Variants in ZNF215 observed in about 807,000 individuals in gnomAD.
ZNF215 encodes the protein zinc finger protein 215.
A neutral mutation model predicts 27.2 loss-of-function variants in ZNF215; 24 were observed. The observed-to-expected ratio is 0.88, with a 90% CI of 0.64 to 1.24. The LOEUF is 1.24. Ranked by LOEUF, ZNF215 falls within the 50% of genes most tolerant of loss-of-function variation. The probability of loss-of-function intolerance (pLI) is 0.00; values close to 1 mark genes in which losing one functional copy is unlikely to be tolerated. For missense variants in ZNF215, 675 were observed against 605.7 expected (o/e 1.11, Z -1.20); for synonymous variants, 210 against 204.0 (o/e 1.03, Z -0.25).
At chr11:6,954,404 C>G (rs1380830832) in intron 6 of ZNF215, among the ~76,000 whole-genome samples, 1 of 152,250 alleles carries the variant, frequency 6.6e-6, no homozygotes, top group Non-Finnish European at 1.5e-5. Flanking sequence ...TTCAAGCTTC[C>G]TGGCTGCTTT....
chr11:6,935,519 T>A (rs997481000), intron 3 of ZNF215, among the ~76,000 whole-genome samples: 1 of 152,138 alleles, frequency 6.6e-6, no homozygotes, highest in Non-Finnish European at 1.5e-5. Flanking sequence ...CAAAATTAGT[T>A]CAAAAGTTAC....
chr11:6,955,615 C>A, intron 6 of ZNF215, 75 bp from the exon 7 acceptor site: 1 of 1,496,490 alleles, frequency 6.7e-7, no homozygotes, highest in Non-Finnish European at 8.9e-7. Flanking sequence ...ATGCATATAC[C>A]TTATACAGTT....
downstream of ZNF215, among the ~76,000 whole-genome samples, chr11:6,958,695 A>C (rs1023062977): frequency 3.9e-5 from 6 of 152,206 alleles, no homozygotes; most frequent in African/African-American, 9.7e-5. Flanking sequence ...CTGCAAGCTG[A>C]GGAGCAAGGA....
At chr11:6,960,962 A>G, downstream of ZNF215, among the ~76,000 whole-genome samples, 1 of 152,268 alleles carries the variant, frequency 6.6e-6, no homozygotes, top group South Asian at 2.1e-4. Context: ...CTGTAGGTCA[A>G]ATTTGACTCT....
chr11:6,955,194 T>A (rs922569185), intron 6 of ZNF215, among the ~76,000 whole-genome samples: 1 of 152,202 alleles, frequency 6.6e-6, no homozygotes, highest in Non-Finnish European at 1.5e-5. Flanking sequence ...TGTGGCTGTA[T>A]GGAAAATGGG....
chr11:6,943,267 G>T lies in ZNF215; in HGVS notation c.616+52G>T, dbSNP rs201712614. The T allele has an allele frequency of 4.5e-6, 7 of 1,566,798 alleles. No homozygotes were observed. The East Asian group carries it at 1.6e-4, about 35-fold the overall frequency. ...GTCCATTTAGTAATCTCTTCCTACC[G>T]TTAAAAGCTATAGGACTGCTGAAGT... On this transcript the variant is annotated intron_variant, in intron 5 of 6. Coordinates refer to ENST00000278319, the MANE Select transcript of ZNF215 (RefSeq NM_013250.4).
At chr11:6,945,630 A>G (rs1019634049) in intron 6 of ZNF215, among the ~76,000 whole-genome samples, 8 of 152,164 alleles carry the variant, frequency 5.3e-5, no homozygotes, top group African/African-American at 1.4e-4. Flanking sequence ...ACTGTTAACT[A>G]TGCCTTTTTC....
intron 6 of ZNF215, among the ~76,000 whole-genome samples, chr11:6,953,340 G>A (rs558301283): frequency 6.6e-6 from 1 of 152,210 alleles, no homozygotes; most frequent in African/African-American, 2.4e-5. Flanking sequence ...TTTCTAACTT[G>A]GTTCCATTTT....
At chr11:6,951,194 CT>C (rs1231751664) in intron 6 of ZNF215, among the ~76,000 whole-genome samples, 4 of 152,062 alleles carry the variant, frequency 2.6e-5, no homozygotes, top group East Asian at 1.9e-4. Flanking sequence ...CTAAAATTCT[CT>C]TTTTTTGTTG....
chr11:6,989,471 G>A (rs1286749548), downstream of ZNF215, among the ~76,000 whole-genome samples: 2 of 152,084 alleles, frequency 1.3e-5, no homozygotes, highest in African/African-American at 4.8e-5. Context: ...AACATCAAAT[G>A]ACTAGATAGC....
chr11:6,974,797 G>A (rs1383771464), intron 5 of ZNF215, among the ~76,000 whole-genome samples: 2 of 152,092 alleles, frequency 1.3e-5, no homozygotes, highest in Admixed American at 1.3e-4. Context: ...TTTGGGCTGA[G>A]ACGATGGGGT....
At chr11:6,958,422 A>T (rs1850448037), downstream of ZNF215, among the ~76,000 whole-genome samples, 1 of 152,200 alleles carries the variant, frequency 6.6e-6, no homozygotes, top group Non-Finnish European at 1.5e-5. Flanking sequence ...AAGCTTTCTT[A>T]AAAAAGTGTT....
At chr11:6,973,473 C>T (rs1249395996) in intron 5 of ZNF215, among the ~76,000 whole-genome samples, 1 of 152,218 alleles carries the variant, frequency 6.6e-6, no homozygotes, top group African/African-American at 2.4e-5. Context: ...AATTGCCACA[C>T]TGTCTTCCAC....
In ZNF215 at chr11:6,979,053, A is replaced by C. The variant is rs1299434008; in HGVS notation, c.806-5076A>C. Reference sequence around the variant, plus strand: ...ATTGCCTAAATTTTATGCTGTTTTAAAGCTCTTATCCACCAAAAGGAACAA... The same window carrying C: ...ATTGCCTAAATTTTATGCTGTTTTACAGCTCTTATCCACCAAAAGGAACAA... On this transcript the variant is annotated intron_variant, in intron 5 of 5. Coordinates refer to the ZNF215 transcript ENST00000529903. Among the ~76,000 whole-genome samples the C allele has an allele frequency of 2.0e-5, 3 of 152,002 alleles. No individual in the cohort carries two copies. In the East Asian group the frequency reaches 5.8e-4, roughly 29 times the overall value.
At chr11:6,953,338 T>G (rs1039159242) in intron 6 of ZNF215, among the ~76,000 whole-genome samples, 82 of 152,232 alleles carry the variant, frequency 5.4e-4, no homozygotes, top group Non-Finnish European at 1.6e-4. Flanking sequence ...GTTTTCTAAC[T>G]TGGTTCCATT....
downstream of ZNF215, chr11:6,984,744 CAA>C (rs1851027596): frequency 1.3e-5 from 2 of 152,050 alleles, no homozygotes; most frequent in South Asian, 4.1e-4. Flanking sequence ...GCTACCTGCA[CAA>C]AGAGGGGAAA....
intron 5 of ZNF215, among the ~76,000 whole-genome samples, chr11:6,979,720 C>T (rs1331179532): frequency 6.6e-6 from 1 of 151,888 alleles, no homozygotes; most frequent in Non-Finnish European, 1.5e-5. Context: ...TAATAAAATA[C>T]TAATAAAAAT....
chr11:6,950,749 G>A (rs1277536066), intron 6 of ZNF215, among the ~76,000 whole-genome samples: 81 of 149,506 alleles, frequency 5.4e-4, no homozygotes, highest in African/African-American at 2.0e-3. Context: ...GATTGCCCTG[G>A]CCAGAACTTC....
At position 6,975,811 on chromosome 11, in the gene ZNF215, G is replaced by A. The variant is rs141037644; in HGVS notation, c.806-8318G>A. Among the ~76,000 whole-genome samples, 148 of 152,206 alleles carry A rather than the reference G, an allele frequency of 9.7e-4. 1 individual carries two copies. The East Asian group carries it at 0.011, about 12-fold the overall frequency. ...TTGTGAACAGTGCTGCAACAAGCAC[G>A]AAAGTGCAGATATTTCTTTGATATA... is the stretch of plus-strand genomic sequence containing the variant. On this transcript the variant is annotated intron_variant, in intron 5 of 5. Transcript: ENST00000529903.
Sources: allele counts gnomAD v4.1 joint callset (sites outside exome capture counted in the v4.1 genomes callset), GRCh38; gene constraint gnomAD v4.1.1; transcripts MANE v1.5; gene names NCBI Gene and HGNC (gene_info 2026-07-23, HGNC 2026-07-21).